The following TMPRSS11A variants were observed in gnomAD, a reference collection of about 807,000 sequenced individuals.
The protein encoded by TMPRSS11A is transmembrane protease serine 11A.
A neutral mutation model predicts 58.9 loss-of-function variants in TMPRSS11A; 53 were observed. The observed-to-expected ratio is 0.90, with a 90% CI of 0.72 to 1.13. TMPRSS11A has a LOEUF of 1.13. Ranked by LOEUF, TMPRSS11A falls within the 50% of genes most tolerant of loss-of-function variation. The pLI is 0.00. For missense variants in TMPRSS11A, 493 were observed against 499.3 expected (o/e 0.99, Z 0.12); for synonymous variants, 167 against 169.8 (o/e 0.98, Z 0.13).
At chr4:67,916,171 C>T (rs60057735) in intron 8 of TMPRSS11A, among the ~76,000 whole-genome samples, 7,340 of 151,936 alleles carry the variant, frequency 0.048, 236 homozygotes, top group East Asian at 0.14. Flanking sequence ...TAAAATAAGA[C>T]GCTTCTTAGT....
chr4:67,916,054 C>T (rs1720136216), intron 8 of TMPRSS11A, among the ~76,000 whole-genome samples: 1 of 152,160 alleles, frequency 6.6e-6, no homozygotes, highest in South Asian at 2.1e-4. Context: ...ACTCCTTCCC[C>T]TGTAAAGACC....
At chr4:67,953,791 A>G (rs1004522717) in intron 1 of TMPRSS11A, among the ~76,000 whole-genome samples, 1 of 134,348 alleles carries the variant, frequency 7.4e-6, no homozygotes, top group African/African-American at 3.2e-5. Context: ...CTGAAACTCC[A>G]TCTCAAAAAA....
At chr4:67,935,975 G>C (rs551606672) in intron 3 of TMPRSS11A, among the ~76,000 whole-genome samples, 1 of 152,212 alleles carries the variant, frequency 6.6e-6, no homozygotes, top group South Asian at 2.1e-4. Flanking sequence ...TTGTGTTTGA[G>C]CTCATTTGCT....
chr4:67,923,115 C>A (rs1720376220), intron 6 of TMPRSS11A, among the ~76,000 whole-genome samples, 189 bp from the exon 7 acceptor site: 1 of 152,138 alleles, frequency 6.6e-6, no homozygotes, highest in Non-Finnish European at 1.5e-5. Flanking sequence ...TGTGTGAGAA[C>A]AGGTTAGCTG....
intron 2 of TMPRSS11A, among the ~76,000 whole-genome samples, chr4:67,946,072 C>A (rs981644125): frequency 2.2e-4 from 33 of 152,174 alleles, no homozygotes; most frequent in South Asian, 2.1e-3. Context: ...ATTTTAATAA[C>A]TAATTTATCA....
At chr4:67,934,217 C>T (rs1720698391) in intron 3 of TMPRSS11A, among the ~76,000 whole-genome samples, 1 of 152,078 alleles carries the variant, frequency 6.6e-6, no homozygotes, top group African/African-American at 2.4e-5. Context: ...GAGGACAACG[C>T]TTTGAGAAAT....
intron 4 of TMPRSS11A, among the ~76,000 whole-genome samples, chr4:67,930,282 T>C (rs1324402730): frequency 6.6e-6 from 1 of 152,158 alleles, no homozygotes; most frequent in African/African-American, 2.4e-5. Flanking sequence ...ATGACAGATA[T>C]AAAAAATCAT....
chr4:67,944,735 A>G, intron 2 of TMPRSS11A, 98 bp from the exon 3 acceptor site: 1 of 922,696 alleles, frequency 1.1e-6, no homozygotes, highest in Non-Finnish European at 1.6e-6. Flanking sequence ...TATGTCCCTG[A>G]GCCTCTTCAT....
At chr4:67,940,423 A>G (rs887184440) in intron 3 of TMPRSS11A, among the ~76,000 whole-genome samples, 2 of 152,174 alleles carry the variant, frequency 1.3e-5, no homozygotes, top group East Asian at 3.9e-4. Flanking sequence ...TATGAACTCA[A>G]TATTGGTCTG....
At chr4:67,962,703 CTG>C (rs1304410564) in intron 1 of TMPRSS11A, among the ~76,000 whole-genome samples, 13 of 152,306 alleles carry the variant, frequency 8.5e-5, no homozygotes, top group African/African-American at 3.1e-4. Context: ...ACTATTTTAA[CTG>C]TATATAAAGT....
rs199795571 is a variant in TMPRSS11A at position 67,914,634 on chromosome 4, C to T, written c.1049G>A (p.Gly350Glu). ...PQVYGNDIKP[G>E]MFCAGYMEGI... ...TTCCATATATCCGGCACAGAACATTCCAGGTTTTATATCATTGCCATACAC... is the reference window on the plus strand; with the variant it reads ...TTCCATATATCCGGCACAGAACATTTCAGGTTTTATATCATTGCCATACAC... The change falls in exon 9 of 10, where the codon GGA becomes GAA. Residue 350 changes from glycine (G) to glutamate (E), a missense_variant. Physicochemically the swap from Gly to Glu is moderately conservative, Grantham distance 98 (BLOSUM62 -2). Coordinates refer to ENST00000508048, the MANE Select transcript of TMPRSS11A (RefSeq NM_001114387.2). 115 of 1,613,586 alleles carry T rather than the reference C, an allele frequency of 7.1e-5. No individual in the cohort carries two copies. The highest frequency in any genetic ancestry group is 3.5e-4 in the Admixed American group (21 of 59,986).
chr4:67,948,127 G>T (rs1721069890), intron 1 of TMPRSS11A, among the ~76,000 whole-genome samples: 1 of 146,924 alleles, frequency 6.8e-6, no homozygotes. Flanking sequence ...TTTTTCTTTT[G>T]ACTATAAAAC....
chr4:67,912,309 C>CACACAT (rs992697777), intron 9 of TMPRSS11A, among the ~76,000 whole-genome samples: 18 of 152,084 alleles, frequency 1.2e-4, no homozygotes, highest in Non-Finnish European at 1.8e-4. Flanking sequence ...CACACACATA[C>CACACAT]ACACATACAC....
chr4:67,930,077 T>C, intron 4 of TMPRSS11A, 37 bp from the exon 5 acceptor site: 2 of 1,581,936 alleles, frequency 1.3e-6, no homozygotes, highest in Non-Finnish European at 1.7e-6. Flanking sequence ...TTTCAAAGAA[T>C]ACACCTGGAA....
At chr4:67,954,791 C>G (rs1721244569) in intron 1 of TMPRSS11A, among the ~76,000 whole-genome samples, 1 of 152,134 alleles carries the variant, frequency 6.6e-6, no homozygotes, top group Non-Finnish European at 1.5e-5. Flanking sequence ...CACTTGGTAG[C>G]TTTGCAATGT....
chr4:67,944,482 C>T, intron 3 of TMPRSS11A, 37 bp downstream of exon 3: 1 of 1,588,106 alleles, frequency 6.3e-7, no homozygotes. Flanking sequence ...CTTCCACTTG[C>T]ATTATTCTAT....
intron 7 of TMPRSS11A, among the ~76,000 whole-genome samples, chr4:67,919,784 A>C (rs1272986146): frequency 6.6e-6 from 1 of 152,208 alleles, no homozygotes; most frequent in Non-Finnish European, 1.5e-5. Context: ...GAGATGAGGG[A>C]AACAAGTTTC....
chr4:67,929,840 A>G (rs780858766), intron 5 of TMPRSS11A, 40 bp downstream of exon 5: 2 of 1,512,054 alleles, frequency 1.3e-6, no homozygotes, highest in East Asian at 2.3e-5. Flanking sequence ...ACATGGACCT[A>G]ATAGACAACT....
chr4:67,940,400 T>C (rs766526699), intron 3 of TMPRSS11A, among the ~76,000 whole-genome samples: 4 of 152,160 alleles, frequency 2.6e-5, no homozygotes, highest in Non-Finnish European at 5.9e-5. Flanking sequence ...GTTTTTTAAA[T>C]TACTGATTTA....
Sources: gnomAD v4.1 joint callset for allele counts (sites outside exome capture counted in the v4.1 genomes callset) on GRCh38, gnomAD v4.1.1 for gene constraint, MANE v1.5 for transcripts, NCBI Gene and HGNC (gene_info 2026-07-23, HGNC 2026-07-21) for gene names.